FREM1: variants seen among roughly 807,000 people sequenced by gnomAD.
FREM1 encodes the protein FRAS1-related extracellular matrix protein 1.
Under a neutral mutation model 210.1 loss-of-function variants are expected in FREM1, and 220 were observed. The observed-to-expected ratio is 1.05, with a 90% CI of 0.94 to 1.17. FREM1 has a LOEUF of 1.17. FREM1 is among the 50% of genes most tolerant of loss of function. FREM1 has a pLI of 0.00. For missense variants in FREM1, 3,454 were observed against 2,675.5 expected (o/e 1.29, Z -6.42); for synonymous variants, 1,189 against 980.2 (o/e 1.21, Z -3.98).
chr9:14,884,992 T>C (rs1470394122), intron 1 of FREM1, among the ~76,000 whole-genome samples: 2 of 128,668 alleles, frequency 1.6e-5, no homozygotes, highest in Admixed American at 1.7e-4. Flanking sequence ...TGGTGCGATC[T>C]CGGCTCACTG....
intron 7 of FREM1, among the ~76,000 whole-genome samples, chr9:14,846,491 A>G (rs547829615): frequency 6.0e-4 from 91 of 152,256 alleles, no homozygotes; most frequent in African/African-American, 2.2e-3. Flanking sequence ...ACAAACCTAC[A>G]CGTTCAGCAC....
chr9:14,851,442 G>T lies in FREM1; in HGVS notation c.994C>A (p.Leu332Met). 6.2e-7 allele frequency: 1 copy of T among 1,613,982 alleles called. No homozygotes were observed. Among genetic ancestry groups the T allele is most frequent in the Non-Finnish European group, 8.5e-7 (1 of 1,179,872 alleles). The change falls in exon 6 of 37, where the codon CTG becomes ATG. Residue 332 changes from leucine (L) to methionine (M), a missense_variant. Physicochemically the swap from Leu to Met is conservative, Grantham distance 15 (BLOSUM62 2). Transcript: ENST00000380880. Reference sequence around the variant, plus strand: ...GGGGCTTTAGTAATGTTGAACACCAGCAAGGGTTTAGGGGTCTCATCTTCT... The same window carrying T: ...GGGGCTTTAGTAATGTTGAACACCATCAAGGGTTTAGGGGTCTCATCTTCT... ...CEEDETPKPL[L>M]VFNITKAPLQ...
chr9:14,746,146 T>C (rs752865559), intron 35 of FREM1, among the ~76,000 whole-genome samples: 2 of 152,058 alleles, frequency 1.3e-5, no homozygotes, highest in African/African-American at 4.8e-5. Context: ...AAACTGCAAG[T>C]ACTTTTGCAC....
chr9:14,867,909 G>A (rs1172180590), intron 2 of FREM1, among the ~76,000 whole-genome samples: 7 of 152,140 alleles, frequency 4.6e-5, no homozygotes, highest in African/African-American at 7.2e-5. Flanking sequence ...AACAGTGTTA[G>A]AGAATATAGA....
At chr9:14,791,820 G>GTTTCT (rs1554664924) in intron 22 of FREM1, among the ~76,000 whole-genome samples, 1 of 150,234 alleles carries the variant, frequency 6.7e-6, no homozygotes, top group African/African-American at 2.4e-5. Flanking sequence ...TCAGATAATG[G>GTTTCT]TTTGTTTTGT....
chr9:14,742,889 C>A (rs922452848), intron 35 of FREM1, among the ~76,000 whole-genome samples: 1 of 152,168 alleles, frequency 6.6e-6, no homozygotes, highest in Middle Eastern at 3.4e-3. Flanking sequence ...CTTAGGGGAC[C>A]TGTTTTAGAG....
intron 11 of FREM1, among the ~76,000 whole-genome samples, chr9:14,824,464 C>T (rs1821965774): frequency 6.6e-6 from 1 of 152,132 alleles, no homozygotes; most frequent in South Asian, 2.1e-4. Flanking sequence ...GATTTCATGG[C>T]AGTAATATGC....
Position 14,841,545 on chromosome 9 carries a change from T to C in FREM1, c.1783A>G (p.Ile595Val), listed in dbSNP as rs1328444198. 1 of 1,612,428 alleles carries C rather than the reference T, an allele frequency of 6.2e-7. No individual in the cohort carries two copies. The highest frequency in any genetic ancestry group is 1.1e-5 in the South Asian group (1 of 90,926). The change falls in exon 10 of 37, where the codon ATC becomes GTC. Residue 595 changes from isoleucine to valine, a missense_variant. Physicochemically the swap from Ile to Val is conservative, Grantham distance 29. Transcript: ENST00000380880. ...CCACCAAAATGACGATAATAAATGA[T>C]TCCATTAAACAAATCCCTCTGAAGG... ...GFLQRDLFNG[I>V]IYYRHFGGEI...
intron 10 of FREM1, among the ~76,000 whole-genome samples, chr9:14,834,987 A>G (rs1314346990): frequency 6.6e-6 from 1 of 152,202 alleles, no homozygotes; most frequent in Non-Finnish European, 1.5e-5. Context: ...TAATCAAGCT[A>G]TATTAAGGAC....
intron 1 of FREM1, among the ~76,000 whole-genome samples, chr9:14,870,705 C>A (rs1401930234): frequency 6.6e-6 from 1 of 151,438 alleles, no homozygotes; most frequent in Non-Finnish European, 1.5e-5. Flanking sequence ...GCACAATGTG[C>A]AGGTTAGTTA....
At chr9:14,856,249 T>C (rs956089887) in intron 5 of FREM1, among the ~76,000 whole-genome samples, 1 of 152,198 alleles carries the variant, frequency 6.6e-6, no homozygotes, top group Non-Finnish European at 1.5e-5. Context: ...ACACAGTTAG[T>C]TAAGTGGACG....
chr9:14,791,768 C>T (rs889844071), intron 22 of FREM1, among the ~76,000 whole-genome samples: 3 of 152,208 alleles, frequency 2.0e-5, no homozygotes, highest in African/African-American at 7.2e-5. Context: ...AAGAAAGATG[C>T]TCACTGTGGC....
intron 23 of FREM1, among the ~76,000 whole-genome samples, chr9:14,784,939 C>T (rs1850178220): frequency 6.6e-6 from 1 of 152,108 alleles, no homozygotes; most frequent in South Asian, 2.1e-4. Flanking sequence ...GATGTAGAAG[C>T]CTGACTGTAC....
intron 1 of FREM1, among the ~76,000 whole-genome samples, chr9:14,869,787 T>C (rs779019136): frequency 6.6e-6 from 1 of 152,280 alleles, no homozygotes; most frequent in Non-Finnish European, 1.5e-5. Flanking sequence ...AACATTTGAG[T>C]GGTAATTACA....
intron 1 of FREM1, among the ~76,000 whole-genome samples, chr9:14,899,954 A>G (rs564845939): frequency 1.3e-5 from 2 of 152,314 alleles, no homozygotes; most frequent in African/African-American, 4.8e-5. Flanking sequence ...GGCACCATTT[A>G]TGCTGTTTAT....
rs191036548 is a variant in FREM1, at chr9:14,876,625, G to A, written c.-267-7381C>T. Among the ~76,000 whole-genome samples, 145 of 152,202 alleles carry A rather than the reference G, an allele frequency of 9.5e-4. 1 individual carries two copies. In the East Asian group the frequency reaches 0.02, roughly 21 times the overall value. On this transcript the variant is annotated intron_variant, in intron 1 of 36. Transcript: ENST00000380880. ...GAAAGGGAACTCCCTGATCCCTTGC[G>A]CTTCCCAAGTGAGGCAATGCCTCAC...
At chr9:14,779,221 T>A (rs73644852) in intron 24 of FREM1, among the ~76,000 whole-genome samples, 1,552 of 152,200 alleles carry the variant, frequency 0.01, 24 homozygotes, top group African/African-American at 0.035. Context: ...CTGTTTCACA[T>A]TAAACTGGCT....
At chr9:14,811,478 G>A (rs1226786857) in intron 16 of FREM1, among the ~76,000 whole-genome samples, 1 of 152,108 alleles carries the variant, frequency 6.6e-6, no homozygotes, top group African/African-American at 2.4e-5. Flanking sequence ...CAGATCCACT[G>A]GGGAAATCAA....
intron 1 of FREM1, among the ~76,000 whole-genome samples, chr9:14,903,937 C>A (rs1817189558): frequency 6.6e-6 from 1 of 151,840 alleles, no homozygotes; most frequent in South Asian, 2.1e-4. Flanking sequence ...CTGGCTAACA[C>A]AGTGAAACCG....
Sources: allele counts gnomAD v4.1 joint callset (sites outside exome capture counted in the v4.1 genomes callset), GRCh38; gene constraint gnomAD v4.1.1; transcripts MANE v1.5; gene names NCBI Gene and HGNC (gene_info 2026-07-23, HGNC 2026-07-21).